Variants in RRP36 observed in about 807,000 individuals in gnomAD.
RRP36 encodes the protein ribosomal RNA processing 36, also known as ribosomal RNA processing protein 36 homolog.
A neutral mutation model predicts 39.8 loss-of-function variants in RRP36; 44 were observed. That is an observed-to-expected ratio of 1.10 (90% CI 0.87 to 1.42). The LOEUF (loss-of-function observed/expected upper bound fraction) is 1.42. Among genes scored for constraint, RRP36 ranks in the 40% most tolerant of loss-of-function variants. RRP36 has a pLI of 0.00. For missense variants in RRP36, 316 were observed against 322.4 expected, an observed-to-expected ratio of 0.98 and a Z score of 0.15; for synonymous variants, 124 against 123.1, an observed-to-expected ratio of 1.01 and a Z score of -0.05.
chr6:43,022,094 T>C (rs533573772), intron 1 of RRP36, among the ~76,000 whole-genome samples: 31 of 152,238 alleles, frequency 2.0e-4, no homozygotes, highest in Admixed American at 9.2e-4. Flanking sequence ...GCAGATTCCG[T>C]AGACTTTGTT....
At chr6:43,022,587 G>GTTTA (rs199910113) in intron 1 of RRP36, among the ~76,000 whole-genome samples, 822 of 77,268 alleles carry the variant, frequency 0.011, 7 homozygotes, top group African/African-American at 0.11. Context: ...GGATGGGTTT[G>GTTTA]TTTATTTATT....
intron 3 of RRP36, 120 bp downstream of exon 3, chr6:43,025,449 C>G (rs1405664032): frequency 2.5e-6 from 2 of 805,508 alleles, no homozygotes; most frequent in Non-Finnish European, 4.1e-6. Context: ...ATGGTGAAAC[C>G]CTGTCTCTAC....
Position 43,026,773 on chromosome 6 carries a change from G to C in RRP36, c.451-405G>C, listed in dbSNP as rs150010575. On this transcript the variant is annotated intron_variant, in intron 4 of 6. Transcript: ENST00000244496. Reference sequence around the variant, plus strand: ...TTATCCCACCACTTTGGGAGGCCGAGGCAGGTGGATCACGAGGTCAGGAGA... The same window carrying C: ...TTATCCCACCACTTTGGGAGGCCGACGCAGGTGGATCACGAGGTCAGGAGA... Among the ~76,000 whole-genome samples the C allele has an allele frequency of 1.6e-4, 25 of 152,240 alleles. No individual in the cohort carries two copies. The East Asian group carries it at 3.3e-3, about 20-fold the overall frequency.
chr6:43,021,813 GAGGGGA>G, intron 1 of RRP36, 29 bp downstream of exon 1: 1 of 1,015,284 alleles, frequency 9.8e-7, no homozygotes, highest in Non-Finnish European at 1.2e-6. Context: ...GCGGGCTGGG[GAGGGGA>G]AGGAGATTCC....
intron 6 of RRP36, among the ~76,000 whole-genome samples, chr6:43,027,762 TACACACAC>T (rs57851236): frequency 0.046 from 3,754 of 81,650 alleles, 279 homozygotes; most frequent in African/African-American, 0.16. Context: ...TGGTCTACAC[TACACACAC>T]ACACACACAC....
At chr6:43,021,954 G>A (rs1325452085) in intron 1 of RRP36, among the ~76,000 whole-genome samples, 170 bp downstream of exon 1, 1 of 152,206 alleles carries the variant, frequency 6.6e-6, no homozygotes, top group Non-Finnish European at 1.5e-5. Context: ...GATGCTTCCG[G>A]GATTAGGACA....
intron 6 of RRP36, among the ~76,000 whole-genome samples, 182 bp from the exon 7 acceptor site, chr6:43,028,910 G>A (rs1382140427): frequency 2.0e-5 from 3 of 152,108 alleles, no homozygotes; most frequent in South Asian, 2.1e-4. Context: ...CCGAGATCGC[G>A]TCACTGCACT....
At chr6:43,025,971 A>C in intron 3 of RRP36, 66 bp from the exon 4 acceptor site, 2 of 1,197,756 alleles carry the variant, frequency 1.7e-6, no homozygotes. Context: ...AGAGACAGGA[A>C]GCACTTTTTC....
At chr6:43,025,212 C>T (rs1380810592) in intron 2 of RRP36, 51 bp from the exon 3 acceptor site, 2 of 1,612,408 alleles carry the variant, frequency 1.2e-6, no homozygotes, top group East Asian at 2.2e-5. Flanking sequence ...AGGTGGGAAG[C>T]CTTTGACCAA....
intron 1 of RRP36, among the ~76,000 whole-genome samples, chr6:43,022,426 T>A (rs562793498): frequency 6.6e-6 from 1 of 151,956 alleles, no homozygotes; most frequent in East Asian, 1.9e-4. Context: ...TATTTTTTAT[T>A]TTTTTGAGAC....
rs762660786 is a variant in RRP36, at chr6:43,027,447, C to T, written c.613C>T (p.Gln205Ter). ...GCAAGAACGTCGGGCTCAGGCCCAG[C>T]AGGGCCATCGGCCATACTTCCTGAA... ...LKQERRAQAQ[Q>*]GHRPYFLKKS... Residue 205 changes from glutamine (Q) to a stop codon, truncating the protein, a stop_gained, in exon 6 of 7, where the codon CAG becomes TAG. Coordinates refer to ENST00000244496, the MANE Select transcript of RRP36 (RefSeq NM_033112.4). LOFTEE classifies it high-confidence loss of function. 2 of 1,613,974 alleles carry T rather than the reference C, an allele frequency of 1.2e-6. No individual in the cohort carries two copies. Among genetic ancestry groups the T allele is most frequent in the East Asian group, 2.2e-5 (1 of 44,890 alleles).
At chr6:43,023,755 A>G (rs1284104962) in intron 1 of RRP36, among the ~76,000 whole-genome samples, 1 of 152,138 alleles carries the variant, frequency 6.6e-6, no homozygotes, top group African/African-American at 2.4e-5. Flanking sequence ...AAAACACTGA[A>G]TTGTAGACTA....
intron 3 of RRP36, 56 bp from the exon 4 acceptor site, chr6:43,025,981 C>T (rs1038525065): frequency 2.3e-6 from 3 of 1,322,504 alleles, no homozygotes; most frequent in Admixed American, 2.0e-5. Context: ...AGCACTTTTT[C>T]TCAGTGAAAG....
Position 43,027,270 on chromosome 6 carries a change from G to A in RRP36, c.525+18G>A, listed in dbSNP as rs750917366. On this transcript the variant is annotated intron_variant, in intron 5 of 6. Coordinates refer to ENST00000244496, the MANE Select transcript of RRP36 (RefSeq NM_033112.4). Reference sequence around the variant, plus strand: ...AGCGAATGGTGAGTGGGTAATAATTGTGGTGGGTAATGAAAGCAATTAAAG... The same window carrying A: ...AGCGAATGGTGAGTGGGTAATAATTATGGTGGGTAATGAAAGCAATTAAAG... 6 of 1,613,588 alleles carry A rather than the reference G, an allele frequency of 3.7e-6. No homozygotes were observed. The African/African-American group carries it at 6.7e-5, about 18-fold the overall frequency.
intron 1 of RRP36, among the ~76,000 whole-genome samples, chr6:43,022,492 C>A (rs1378487266): frequency 1.3e-5 from 2 of 152,050 alleles, no homozygotes; most frequent in African/African-American, 4.8e-5. Context: ...CGGCTCACTG[C>A]GGCCTCGAAC....
intron 1 of RRP36, among the ~76,000 whole-genome samples, chr6:43,023,042 G>T (rs1762755332): frequency 6.6e-6 from 1 of 152,138 alleles, no homozygotes; most frequent in African/African-American, 2.4e-5. Flanking sequence ...AGCAAATGCT[G>T]CAGGCTTTTT....
At chr6:43,027,086 A>T (rs989320439) in intron 4 of RRP36, 92 bp from the exon 5 acceptor site, 16 of 1,062,556 alleles carry the variant, frequency 1.5e-5, no homozygotes, top group Non-Finnish European at 5.7e-6. Context: ...GTGTGTGTGT[A>T]TGTGTGTGAA....
chr6:43,024,772 T>C (rs1412638196), intron 1 of RRP36, among the ~76,000 whole-genome samples: 2 of 152,220 alleles, frequency 1.3e-5, no homozygotes, highest in East Asian at 3.8e-4. Flanking sequence ...CCTTTGACCT[T>C]ACATATACAC....
rs767732714 is a variant in RRP36, at chr6:43,025,141, G to A, written c.278+9G>A. On this transcript the variant is annotated intron_variant, in intron 2 of 6. Coordinates refer to ENST00000244496, the MANE Select transcript of RRP36 (RefSeq NM_033112.4). The stretch of plus-strand genomic sequence containing the variant: ...GTTGCAGATAAGCACAGGTAAGCAA[G>A]GCTTGCCCTAGAAGTTGGAAGATAA... 1.1e-5 allele frequency: 17 copies of A among 1,613,878 alleles called. No homozygotes were observed. In the Admixed American group the frequency reaches 2.5e-4, roughly 24 times the overall value.
Sources: gnomAD v4.1 joint callset for allele counts (sites outside exome capture counted in the v4.1 genomes callset) on GRCh38, gnomAD v4.1.1 for gene constraint, MANE v1.5 for transcripts, NCBI Gene and HGNC (gene_info 2026-07-23, HGNC 2026-07-21) for gene names.